Variants in TOM1 observed in about 807,000 individuals in gnomAD.
TOM1 encodes target of Myb protein 1.
In TOM1, 38 loss-of-function variants were observed where a neutral mutation model predicts 61.3. The observed-to-expected ratio is 0.62, with a 90% confidence interval of 0.48 to 0.81. The LOEUF is 0.81. Among genes scored for constraint, TOM1 ranks in the 40% least tolerant of loss-of-function variants. TOM1 has a pLI of 0.00. For synonymous variants in TOM1, 270 were observed against 268.8 expected (o/e 1.00, Z -0.04); for missense variants, 591 against 659.6 (o/e 0.90, Z 1.14).
At chr22:35,320,411 C>T (rs1001592091) in intron 2 of TOM1, among the ~76,000 whole-genome samples, 1 of 152,112 alleles carries the variant, frequency 6.6e-6, no homozygotes, top group Non-Finnish European at 1.5e-5. Flanking sequence ...ACAGGGAGAG[C>T]AGGCTGGCAC....
At chr22:35,321,502 G>A (rs970173630) in intron 2 of TOM1, among the ~76,000 whole-genome samples, 1 of 152,002 alleles carries the variant, frequency 6.6e-6, no homozygotes, top group Non-Finnish European at 1.5e-5. Context: ...GGGTTCAAGC[G>A]ATTCTCCCGC....
At chr22:35,300,014 G>C in intron 1 of TOM1, 34 bp downstream of exon 1, 2 of 1,553,350 alleles carry the variant, frequency 1.3e-6, no homozygotes, top group Non-Finnish European at 1.7e-6. Context: ...GCTCCGCCCC[G>C]GTGCTCCGCA....
chr22:35,328,947 A>G (rs924012316), intron 7 of TOM1, among the ~76,000 whole-genome samples: 1 of 152,096 alleles, frequency 6.6e-6, no homozygotes, highest in Non-Finnish European at 1.5e-5. Context: ...CCATATGGCT[A>G]TGGTTTTTTA....
intron 8 of TOM1, among the ~76,000 whole-genome samples, chr22:35,332,259 C>T (rs555408564): frequency 6.6e-6 from 1 of 152,166 alleles, no homozygotes. Flanking sequence ...ACTGAGGGGC[C>T]CCATCTGGTA....
intron 1 of TOM1, among the ~76,000 whole-genome samples, chr22:35,310,356 C>T (rs1295019509): frequency 6.6e-6 from 1 of 152,134 alleles, no homozygotes; most frequent in African/African-American, 2.4e-5. Context: ...AGATCGAGAC[C>T]ATCCTGGCCA....
At position 35,299,916 on chromosome 22, in the gene TOM1, G is replaced by T; in HGVS notation, c.-13G>T. 6.3e-7 allele frequency: 1 copy of T among 1,579,024 alleles called. No homozygotes were observed. Among genetic ancestry groups the T allele is most frequent in the South Asian group, 1.1e-5 (1 of 87,094 alleles). On this transcript the variant is annotated 5_prime_UTR_variant, in exon 1 of 15. Coordinates refer to ENST00000449058, the MANE Select transcript of TOM1 (RefSeq NM_005488.3). ...GCTGATTCCCGGGGTTGGTGGCAGCGGCGGTAGCAGCAATGGACTTTCTCC... is the reference window on the plus strand; with the variant it reads ...GCTGATTCCCGGGGTTGGTGGCAGCTGCGGTAGCAGCAATGGACTTTCTCC...
intron 11 of TOM1, among the ~76,000 whole-genome samples, chr22:35,337,956 C>T (rs1929521903): frequency 6.6e-6 from 1 of 152,230 alleles, no homozygotes; most frequent in Admixed American, 6.5e-5. Context: ...CCATAGCCGC[C>T]TCTCCTCCTT....
At chr22:35,330,113 A>G (rs1928694330) in intron 7 of TOM1, among the ~76,000 whole-genome samples, 1 of 151,896 alleles carries the variant, frequency 6.6e-6, no homozygotes, top group African/African-American at 2.4e-5. Context: ...CCCCGTCTCT[A>G]CTAAAACTAC....
chr22:35,342,834 C>A (rs1433320167), intron 12 of TOM1, among the ~76,000 whole-genome samples: 2 of 146,320 alleles, frequency 1.4e-5, no homozygotes, highest in Non-Finnish European at 3.0e-5. Flanking sequence ...GACACCCCTA[C>A]ACACACACCA....
intron 1 of TOM1, among the ~76,000 whole-genome samples, chr22:35,310,161 G>A (rs1320419875): frequency 3.3e-5 from 5 of 152,334 alleles, no homozygotes; most frequent in East Asian, 3.9e-4. Flanking sequence ...CAGAGGGGTC[G>A]GTCAGAATAG....
intron 12 of TOM1, among the ~76,000 whole-genome samples, chr22:35,342,926 C>T (rs1179078599): frequency 1.5e-5 from 2 of 137,728 alleles, no homozygotes; most frequent in East Asian, 2.2e-4. Context: ...CTCCACACGT[C>T]ATACCTCCAC....
At chr22:35,301,898 A>G (rs1215449043) in intron 1 of TOM1, among the ~76,000 whole-genome samples, 1 of 152,188 alleles carries the variant, frequency 6.6e-6, no homozygotes, top group African/African-American at 2.4e-5. Flanking sequence ...TTCTCTGACT[A>G]CAGAAACCAC....
At chr22:35,313,464 T>C (rs921575572) in intron 1 of TOM1, among the ~76,000 whole-genome samples, 1 of 152,202 alleles carries the variant, frequency 6.6e-6, no homozygotes, top group Non-Finnish European at 1.5e-5. Flanking sequence ...GTCATAGTCA[T>C]TGTAGCTCGG....
chr22:35,327,396 G>T lies in TOM1; in HGVS notation c.765+9G>T. The T allele has an allele frequency of 6.2e-7, 1 of 1,604,310 alleles. No individual in the cohort carries two copies. The highest frequency in any genetic ancestry group is 8.5e-7 in the Non-Finnish European group (1 of 1,174,188). ...ACCTGGAGCTGCTGCAGGTGAGCAG[G>T]TGGCACCACCCCCTGGGGCTCAGAT... On this transcript the variant is annotated intron_variant, in intron 7 of 14. Transcript: ENST00000449058.
rs998940537 is a variant in TOM1, at chr22:35,320,448, C to T, written c.138-1511C>T. ...CCAGCTTCCAGGGGCCTCCCAACAC[C>T]GTGACCCCTAGGCTTCTTCAGCCCT... On this transcript the variant is annotated intron_variant, in intron 2 of 14. Transcript: ENST00000449058. 7.2e-5 allele frequency among the ~76,000 whole-genome samples: 11 copies of T among 152,212 alleles called. No homozygotes were observed. In the South Asian group the frequency reaches 2.3e-3, roughly 32 times the overall value.
intron 7 of TOM1, among the ~76,000 whole-genome samples, chr22:35,327,862 A>G (rs1928476773): frequency 1.3e-5 from 2 of 152,224 alleles, no homozygotes; most frequent in South Asian, 4.1e-4. Flanking sequence ...AGGCAGGTGG[A>G]GCTAGTGGTT....
chr22:35,340,988 C>T (rs1349482297), intron 12 of TOM1, among the ~76,000 whole-genome samples: 1 of 152,206 alleles, frequency 6.6e-6, no homozygotes, highest in Admixed American at 6.5e-5. Flanking sequence ...CAGTACCTCC[C>T]ATGTGTGGTG....
chr22:35,343,124 C>CA (rs1930055077), intron 12 of TOM1, among the ~76,000 whole-genome samples: 1 of 129,924 alleles, frequency 7.7e-6, no homozygotes, highest in African/African-American at 2.9e-5. Context: ...CCCACACACA[C>CA]CACACACACA....
In TOM1 at chr22:35,323,315, G is replaced by A; in HGVS notation, c.366+138G>A. On this transcript the variant is annotated intron_variant, in intron 4 of 14. Transcript: ENST00000449058. This position sits in a 1 kb window ranked among gnomAD's most constrained non-coding sequence, Gnocchi z 4.2. ...CGGGGCGTCTCGGTTGTCGGCTGGT[G>A]GGATGTTCTGTGGGGAGGGAGGCTT... is the stretch of plus-strand genomic sequence containing the variant. The A allele has an allele frequency of 7.1e-7, 1 of 1,411,672 alleles. No individual in the cohort carries two copies. Among genetic ancestry groups the A allele is most frequent in the Non-Finnish European group, 9.7e-7 (1 of 1,033,488 alleles). The allele number at this position is 1,411,672 out of a possible 1,614,324, so 87.4% of individuals were successfully genotyped here.
Sources: gnomAD v4.1 joint callset for allele counts (sites outside exome capture counted in the v4.1 genomes callset) on GRCh38, gnomAD v4.1.1 for gene constraint, Gnocchi (gnomAD v3.1) non-coding constraint, MANE v1.5 for transcripts, NCBI Gene and HGNC (gene_info 2026-07-23, HGNC 2026-07-21) for gene names.